Variants in PSMF1 observed in about 807,000 individuals in gnomAD.
PSMF1 encodes the protein proteasome inhibitor PI31 subunit.
Under a neutral mutation model 29.3 loss-of-function variants are expected in PSMF1, and 30 were observed. That is an observed-to-expected ratio of 1.02 (90% CI 0.77 to 1.39). The LOEUF (loss-of-function observed/expected upper bound fraction) is 1.39, where lower values mean the gene tolerates loss of function less well. PSMF1 is among the 40% of genes most tolerant of loss of function. The pLI, the probability that PSMF1 is intolerant of heterozygous loss-of-function variation, is 0.00. For missense variants in PSMF1, 344 were observed against 357.5 expected, an observed-to-expected ratio of 0.96 and a Z score of 0.31; for synonymous variants, 134 against 139.7, an observed-to-expected ratio of 0.96 and a Z score of 0.29.
chr20:1,142,548 G>A (rs1031596930), intron 4 of PSMF1, among the ~76,000 whole-genome samples: 1 of 151,804 alleles, frequency 6.6e-6, no homozygotes, highest in Non-Finnish European at 1.5e-5. Context: ...GCAATAGTTT[G>A]CTGAGAATGG....
chr20:1,143,133 T>C (rs1483830701), intron 4 of PSMF1, among the ~76,000 whole-genome samples: 1 of 152,234 alleles, frequency 6.6e-6, no homozygotes, highest in Non-Finnish European at 1.5e-5. Flanking sequence ...CAAGAATTTC[T>C]GCAGATATAG....
intron 4 of PSMF1, among the ~76,000 whole-genome samples, chr20:1,148,954 A>G (rs2086490752): frequency 6.6e-6 from 1 of 152,204 alleles, no homozygotes; most frequent in African/African-American, 2.4e-5. Context: ...CATTCATTTA[A>G]AAATAAGCCC....
chr20:1,127,269 G>A (rs952509309), intron 2 of PSMF1, 157 bp from the exon 3 acceptor site: 5 of 776,658 alleles, frequency 6.4e-6, no homozygotes, highest in Non-Finnish European at 1.2e-5. Flanking sequence ...AAGTCTCCAA[G>A]CCTTAGGAAG....
At chr20:1,145,235 A>G (rs1478161980) in intron 4 of PSMF1, among the ~76,000 whole-genome samples, 1 of 152,174 alleles carries the variant, frequency 6.6e-6, no homozygotes, top group Non-Finnish European at 1.5e-5. Context: ...TAAAATTTAG[A>G]TGCTGAAGAG....
chr20:1,166,004 T>C lies in PSMF1; in HGVS notation c.*924T>C, dbSNP rs1055908294. 4.2e-6 allele frequency: 6 copies of C among 1,424,624 alleles called. No individual in the cohort carries two copies. The African/African-American group carries it at 4.3e-5, about 10-fold the overall frequency. The allele number at this position is 1,424,624 out of a possible 1,614,324, so 88.2% of individuals were successfully genotyped here. On this transcript the variant is annotated 3_prime_UTR_variant, in exon 7 of 7. Transcript: ENST00000335877. Reference sequence around the variant, plus strand: ...CTCATTCTGTGTTTGGTAACCCCTATAAACTGGGGCAGAGGAAAAGAATGA... The same window carrying C: ...CTCATTCTGTGTTTGGTAACCCCTACAAACTGGGGCAGAGGAAAAGAATGA...
chr20:1,131,841 C>T (rs556084630), intron 3 of PSMF1, among the ~76,000 whole-genome samples: 1 of 152,316 alleles, frequency 6.6e-6, no homozygotes, highest in South Asian at 2.1e-4. Flanking sequence ...ACTTCTCCTT[C>T]AGGACCTGGT....
chr20:1,157,178 A>C (rs2086604584), intron 4 of PSMF1, among the ~76,000 whole-genome samples: 1 of 152,164 alleles, frequency 6.6e-6, no homozygotes, highest in South Asian at 2.1e-4. Flanking sequence ...ATTCTCTGGC[A>C]GCTAATTAGA....
At position 1,132,423 on chromosome 20, in the gene PSMF1, G is replaced by A. The variant is rs1040548302; in HGVS notation, c.366-2698G>A. 1.1e-4 allele frequency among the ~76,000 whole-genome samples: 16 copies of A among 151,814 alleles called. No homozygotes were observed. The East Asian group carries it at 1.2e-3, about 11-fold the overall frequency. ...TCTGAGTAGCTGGGACTACAGATGCGTGCCACCATGCCTGGCTAATTTTTT... is the reference window on the plus strand; with the variant it reads ...TCTGAGTAGCTGGGACTACAGATGCATGCCACCATGCCTGGCTAATTTTTT... On this transcript the variant is annotated intron_variant, in intron 3 of 6. Transcript: ENST00000335877.
At position 1,166,170 on chromosome 20, in the gene PSMF1, C is replaced by T. The variant is rs867587843; in HGVS notation, c.*1090C>T. On this transcript the variant is annotated 3_prime_UTR_variant, in exon 7 of 7. Coordinates refer to ENST00000335877, the MANE Select transcript of PSMF1 (RefSeq NM_006814.5). ...GTTGAACTTCGGGAGGAGCAGGGAG[C>T]CCTGCACCTTGTGTCCTGGCCCACC... The T allele has an allele frequency of 1.1e-5, 17 of 1,604,184 alleles. 1 individual carries two copies. The highest frequency in any genetic ancestry group is 1.7e-4 in the Middle Eastern group (1 of 6,044).
intron 4 of PSMF1, among the ~76,000 whole-genome samples, chr20:1,141,957 G>A (rs959617094): frequency 2.0e-5 from 3 of 152,204 alleles, no homozygotes; most frequent in Non-Finnish European, 2.9e-5. Flanking sequence ...AATGGCTCAC[G>A]CCTGTAATCC....
At position 1,147,706 on chromosome 20, in the gene PSMF1, C is replaced by T. The variant is rs563053140; in HGVS notation, c.551+12400C>T. On this transcript the variant is annotated intron_variant, in intron 4 of 6. Coordinates refer to ENST00000335877, the MANE Select transcript of PSMF1 (RefSeq NM_006814.5). ...CCTCACCTGCCTCTGCCCCCACTCC[C>T]TGCTTATTCCTTGGCCAGCCCCATT... Among the ~76,000 whole-genome samples, 14 of 152,356 alleles carry T rather than the reference C, an allele frequency of 9.2e-5. No individual in the cohort carries two copies. In the South Asian group the frequency reaches 2.3e-3, roughly 25 times the overall value.
chr20:1,125,770 C>A, intron 2 of PSMF1, 120 bp downstream of exon 2: 1 of 1,315,496 alleles, frequency 7.6e-7, no homozygotes, highest in Non-Finnish European at 1.0e-6. Flanking sequence ...CCTAGTGATC[C>A]CACTTCTGGA....
intron 2 of PSMF1, 106 bp from the exon 3 acceptor site, chr20:1,127,320 A>G: frequency 1.2e-6 from 1 of 861,332 alleles, no homozygotes. Context: ...CTCTGTGGAC[A>G]TATGTGAATA....
chr20:1,171,678 G>GCGCCC lies in PSMF1; in HGVS notation c.*6599_*6603dup, dbSNP rs2086791376. ...CCATACAGGTTCAGCACCCTGGTCA[G>GCGCCC]CGCCCAGCCTCCCTAAAGCCGCTGG... On this transcript the variant is annotated 3_prime_UTR_variant, in exon 7 of 7. Coordinates refer to ENST00000335877, the MANE Select transcript of PSMF1 (RefSeq NM_006814.5). 6.6e-6 allele frequency among the ~76,000 whole-genome samples: 1 copy of GCGCCC among 152,174 alleles called. No homozygotes were observed. Among genetic ancestry groups the GCGCCC allele is most frequent in the South Asian group, 2.1e-4 (1 of 4,826 alleles).
At position 1,118,757 on chromosome 20, in the gene PSMF1, C is replaced by A. The variant is rs1351161822; in HGVS notation, c.-17C>A. On this transcript the variant is annotated 5_prime_UTR_variant, in exon 1 of 7. Transcript: ENST00000335877. ...CCGCCCCCTTCTTTCCTCCAGACGC[C>A]GAAGTCGCGGGCGCTCATGGCGGGC... The A allele has an allele frequency of 1.2e-6, 2 of 1,607,968 alleles. No individual in the cohort carries two copies.
chr20:1,160,706 G>T, intron 4 of PSMF1: 1 of 487,956 alleles, frequency 2.0e-6, no homozygotes. Context: ...CCCAACACCA[G>T]GGCATGATGG....
At chr20:1,146,481 A>T (rs1415035482) in intron 4 of PSMF1, among the ~76,000 whole-genome samples, 2 of 152,240 alleles carry the variant, frequency 1.3e-5, no homozygotes, top group Non-Finnish European at 2.9e-5. Flanking sequence ...AAGTACACGA[A>T]TCTCCCTGTG....
At chr20:1,123,154 T>A (rs1568463503) in intron 1 of PSMF1, among the ~76,000 whole-genome samples, 3 of 152,248 alleles carry the variant, frequency 2.0e-5, no homozygotes, top group Admixed American at 6.5e-5. Context: ...TTCATTGTCA[T>A]CCAGCCAGGT....
At chr20:1,159,415 G>A (rs2086638371) in intron 4 of PSMF1, among the ~76,000 whole-genome samples, 1 of 152,008 alleles carries the variant, frequency 6.6e-6, no homozygotes, top group South Asian at 2.1e-4. Context: ...CCCACCTCAG[G>A]CCTCCCAAAG....
Sources: gnomAD v4.1 joint callset for allele counts (sites outside exome capture counted in the v4.1 genomes callset) on GRCh38, gnomAD v4.1.1 for gene constraint, MANE v1.5 for transcripts, NCBI Gene and HGNC (gene_info 2026-07-23, HGNC 2026-07-21) for gene names.